Variants in SEC23IP observed in about 807,000 individuals in gnomAD.
SEC23IP encodes SEC23 interacting protein.
In SEC23IP, 70 loss-of-function variants were observed where a neutral mutation model predicts 113.4. The observed-to-expected ratio is 0.62, with a 90% confidence interval of 0.51 to 0.75. SEC23IP has a LOEUF of 0.75. Among genes scored for constraint, SEC23IP ranks in the 30% least tolerant of loss-of-function variants. The probability of loss-of-function intolerance (pLI) is 0.00; values close to 1 mark genes in which losing one functional copy is unlikely to be tolerated. For synonymous variants in SEC23IP, 398 were observed against 421.0 expected, an observed-to-expected ratio of 0.95 and a Z score of 0.67; for missense variants, 1,160 against 1,204.9, an observed-to-expected ratio of 0.96 and a Z score of 0.55.
chr10:119,902,993 AG>A lies in SEC23IP; in HGVS notation c.892del (p.Glu298LysfsTer30). 1.9e-6 allele frequency: 3 copies of A among 1,613,564 alleles called. No homozygotes were observed. Among genetic ancestry groups the A allele is most frequent in the Non-Finnish European group, 2.5e-6 (3 of 1,179,508 alleles). On this transcript the variant is annotated frameshift_variant, in exon 3 of 19. Coordinates refer to ENST00000369075, the MANE Select transcript of SEC23IP (RefSeq NM_007190.4). LOFTEE classifies it high-confidence loss of function. ...FSVFDSLNLE[E>X]IYNSVQPDPE... ...GTGTGTTCGACTCTTTGAATCTTGAAGAAATCTATAATTCAGGTAAACATTG... is the reference window on the plus strand; with the variant it reads ...GTGTGTTCGACTCTTTGAATCTTGAAAAATCTATAATTCAGGTAAACATTG...
chr10:119,921,282 A>G (rs184705210), intron 12 of SEC23IP, among the ~76,000 whole-genome samples: 1 of 152,338 alleles, frequency 6.6e-6, no homozygotes, highest in Non-Finnish European at 1.5e-5. Context: ...TCTGACAAAT[A>G]AATTCTCAGC....
Position 119,911,946 on chromosome 10 carries a change from G to A in SEC23IP, c.1192-98G>A, listed in dbSNP as rs142017447. On this transcript the variant is annotated intron_variant, in intron 5 of 18. Transcript: ENST00000369075. ...AGTACTAATAATTTATAAACTCTCCGTACTCTGAGGTATAGCTTATTATGT... is the reference window on the plus strand; with the variant it reads ...AGTACTAATAATTTATAAACTCTCCATACTCTGAGGTATAGCTTATTATGT... The A allele has an allele frequency of 6.4e-4, 885 of 1,391,600 alleles. 5 individuals carry two copies. The African/African-American group carries it at 0.011, about 17-fold the overall frequency. The allele number at this position is 1,391,600 out of a possible 1,614,324, so 86.2% of individuals were successfully genotyped here. A position where few individuals can be genotyped will look rare whatever the true frequency, so the allele number is the denominator to read the frequency against.
chr10:119,939,556 T>A (rs1230065156), intron 18 of SEC23IP, among the ~76,000 whole-genome samples: 2 of 151,912 alleles, frequency 1.3e-5, no homozygotes, highest in Non-Finnish European at 2.9e-5. Context: ...ACACCTGTAG[T>A]CCCAGCTACT....
chr10:119,915,051 T>C (rs1001932115), intron 7 of SEC23IP, among the ~76,000 whole-genome samples: 1 of 152,196 alleles, frequency 6.6e-6, no homozygotes, highest in Non-Finnish European at 1.5e-5. Context: ...TGGAAGTAGT[T>C]TAGCCTTGTT....
intron 18 of SEC23IP, among the ~76,000 whole-genome samples, chr10:119,939,933 A>G (rs539324160): frequency 3.3e-5 from 5 of 152,070 alleles, no homozygotes; most frequent in Non-Finnish European, 5.9e-5. Flanking sequence ...CTGAGCTGAG[A>G]TGATCCACTT....
intron 18 of SEC23IP, among the ~76,000 whole-genome samples, chr10:119,939,150 T>C (rs917620606): frequency 1.3e-5 from 2 of 150,512 alleles, no homozygotes; most frequent in Non-Finnish European, 3.0e-5. Context: ...TTGTCTCTAC[T>C]AAAAGTAAAA....
At chr10:119,894,212 T>G (rs1423395200) in intron 1 of SEC23IP, among the ~76,000 whole-genome samples, 1 of 152,262 alleles carries the variant, frequency 6.6e-6, no homozygotes, top group African/African-American at 2.4e-5. Context: ...ACTGCAGTCT[T>G]CTTCAGCAGC....
chr10:119,932,907 G>A, intron 16 of SEC23IP, 98 bp from the exon 17 acceptor site: 1 of 1,036,848 alleles, frequency 9.6e-7, no homozygotes. Flanking sequence ...GTTGCTACAT[G>A]CGTCAAGCAG....
chr10:119,929,010 G>T (rs1449491916), intron 13 of SEC23IP, among the ~76,000 whole-genome samples: 4 of 152,194 alleles, frequency 2.6e-5, no homozygotes, highest in Non-Finnish European at 5.9e-5. Context: ...GGAAACTGAG[G>T]TGGAGGAGAG....
chr10:119,938,928 A>G (rs879718320), intron 18 of SEC23IP, among the ~76,000 whole-genome samples: 1 of 152,214 alleles, frequency 6.6e-6, no homozygotes, highest in Admixed American at 6.5e-5. Context: ...ATTATTCTAT[A>G]CATAGTTCAT....
intron 4 of SEC23IP, among the ~76,000 whole-genome samples, chr10:119,906,720 C>T (rs1262862411): frequency 1.3e-5 from 2 of 151,836 alleles, no homozygotes; most frequent in Non-Finnish European, 1.5e-5. Flanking sequence ...GGATTACAGG[C>T]GCCTGTCACC....
chr10:119,912,921 G>T (rs34224627), intron 6 of SEC23IP, among the ~76,000 whole-genome samples: 8,327 of 152,260 alleles, frequency 0.055, 430 homozygotes, highest in South Asian at 0.27. Context: ...GATTATAGGT[G>T]TGAGCCACCG....
In SEC23IP at chr10:119,903,951, C is replaced by T. The variant is rs532361133; in HGVS notation, c.908-133C>T. The T allele has an allele frequency of 4.5e-5, 38 of 851,902 alleles. No individual in the cohort carries two copies. The Middle Eastern group carries it at 8.2e-4, about 18-fold the overall frequency. The allele number at this position is 851,902 out of a possible 1,614,324, so 52.8% of individuals were successfully genotyped here. On this transcript the variant is annotated intron_variant, in intron 3 of 18. Transcript: ENST00000369075. ...GCCAGGCTGGTCTCAAACTCCTGAC[C>T]GCAAGTGATCCACCTCTCTCGGCCT...
intron 4 of SEC23IP, 78 bp downstream of exon 4, chr10:119,904,355 A>T (rs1229529777): frequency 1.6e-6 from 2 of 1,257,138 alleles, no homozygotes; most frequent in Admixed American, 1.8e-5. Flanking sequence ...CATCATTCAC[A>T]GTGGAGCGGA....
rs1214954715 is a variant in SEC23IP, at chr10:119,906,284, A to G, written c.1101+2007A>G. The stretch of plus-strand genomic sequence containing the variant: ...GCAACAGAGCAAGACCTTGTCTCAG[A>G]AAAAAAAAAAAAAAAAAGAAACGGA... On this transcript the variant is annotated intron_variant, in intron 4 of 18. Coordinates refer to ENST00000369075, the MANE Select transcript of SEC23IP (RefSeq NM_007190.4). 6.4e-4 allele frequency among the ~76,000 whole-genome samples: 8 copies of G among 12,422 alleles called. No individual in the cohort carries two copies. The Admixed American group carries it at 7.2e-3, about 11-fold the overall frequency. The allele number at this position is 12,422 out of a possible 152,430, so 8.1% of individuals were successfully genotyped here.
intron 8 of SEC23IP, among the ~76,000 whole-genome samples, chr10:119,916,337 A>T (rs1855051168): frequency 6.6e-6 from 1 of 152,184 alleles, no homozygotes; most frequent in African/African-American, 2.4e-5. Flanking sequence ...CGCAGTGCAG[A>T]CCACTTAACT....
chr10:119,931,503 A>G (rs1315690972), intron 15 of SEC23IP, among the ~76,000 whole-genome samples: 2 of 151,174 alleles, frequency 1.3e-5, no homozygotes, highest in East Asian at 1.9e-4. Flanking sequence ...TCTGGCCCCT[A>G]TGTTTAAACT....
intron 15 of SEC23IP, among the ~76,000 whole-genome samples, chr10:119,930,727 A>G (rs1855569187): frequency 6.6e-6 from 1 of 152,214 alleles, no homozygotes; most frequent in Non-Finnish European, 1.5e-5. Flanking sequence ...TGGAATTAGG[A>G]AGAAGAACAG....
chr10:119,924,566 G>A (rs910723249), intron 12 of SEC23IP, among the ~76,000 whole-genome samples: 8 of 151,632 alleles, frequency 5.3e-5, no homozygotes, highest in Non-Finnish European at 1.5e-5. Flanking sequence ...TTACAGGCGC[G>A]CGCCACCATG....
Sources: allele counts gnomAD v4.1 joint callset (sites outside exome capture counted in the v4.1 genomes callset), GRCh38; gene constraint gnomAD v4.1.1; transcripts MANE v1.5; gene names NCBI Gene and HGNC (gene_info 2026-07-23, HGNC 2026-07-21).